The following EXT1 variants were observed in gnomAD, a reference collection of about 807,000 sequenced individuals.
EXT1 encodes exostosin-1.
EXT1 carries 20 observed loss-of-function variants against 82.5 expected under a neutral mutation model. The observed-to-expected ratio is 0.24, with a 90% CI of 0.17 to 0.35. The LOEUF is 0.35. EXT1 is among the 10% of genes least tolerant of loss of function. EXT1 has a pLI of 1.00. For missense variants in EXT1, 757 were observed against 936.5 expected, an observed-to-expected ratio of 0.81 and a Z score of 2.50; for synonymous variants, 348 against 350.8, an observed-to-expected ratio of 0.99 and a Z score of 0.09.
At chr8:117,940,942 T>C (rs1163536594) in intron 1 of EXT1, among the ~76,000 whole-genome samples, 2 of 152,268 alleles carry the variant, frequency 1.3e-5, no homozygotes, top group Non-Finnish European at 2.9e-5. Flanking sequence ...CTGACTGATA[T>C]GGGGGTCTCC....
chr8:117,937,056 C>T (rs1006680077), intron 1 of EXT1, among the ~76,000 whole-genome samples: 15 of 152,118 alleles, frequency 9.9e-5, no homozygotes, highest in African/African-American at 3.4e-4. Context: ...TACATCCCTT[C>T]GCTCCCTCCA....
At chr8:118,038,736 A>G (rs1802799648) in intron 1 of EXT1, among the ~76,000 whole-genome samples, 1 of 152,214 alleles carries the variant, frequency 6.6e-6, no homozygotes, top group Admixed American at 6.5e-5. Flanking sequence ...CTCTGAAGTA[A>G]TACTGTCTCA....
chr8:117,845,367 C>T (rs182054992), intron 1 of EXT1, among the ~76,000 whole-genome samples: 5 of 152,240 alleles, frequency 3.3e-5, no homozygotes, highest in Admixed American at 6.5e-5. Flanking sequence ...ACTCCACCCC[C>T]CATCCTTAGG....
chr8:118,022,308 G>A (rs973086969), intron 1 of EXT1, among the ~76,000 whole-genome samples: 1 of 147,684 alleles, frequency 6.8e-6, no homozygotes, highest in African/African-American at 2.5e-5. Context: ...GATATACTTG[G>A]CCGGGCGCAT....
At chr8:118,015,935 T>G (rs1266059099) in intron 1 of EXT1, among the ~76,000 whole-genome samples, 1 of 152,180 alleles carries the variant, frequency 6.6e-6, no homozygotes, top group Non-Finnish European at 1.5e-5. Flanking sequence ...CAGCAGGGAC[T>G]GGAGTTAGGC....
In EXT1 at chr8:118,002,022, C is replaced by A. The variant is rs552830682; in HGVS notation, c.962+108063G>T. Reference sequence around the variant, plus strand: ...CAATGAATTCAAAAACTATTGAGACCCTTGTTGAAAGACTTTTTTAGACAA... The same window carrying A: ...CAATGAATTCAAAAACTATTGAGACACTTGTTGAAAGACTTTTTTAGACAA... On this transcript the variant is annotated intron_variant, in intron 1 of 10. Coordinates refer to ENST00000378204, the MANE Select transcript of EXT1 (RefSeq NM_000127.3). 1.9e-3 allele frequency among the ~76,000 whole-genome samples: 289 copies of A among 152,076 alleles called. 1 individual carries two copies. Among genetic ancestry groups the A allele is most frequent in the African/African-American group, 6.7e-3 (279 of 41,478 alleles).
intron 1 of EXT1, among the ~76,000 whole-genome samples, chr8:117,899,151 A>G (rs1010942489): frequency 3.3e-4 from 50 of 152,258 alleles, no homozygotes; most frequent in Admixed American, 9.2e-4. Context: ...GGTCTTCAGA[A>G]TAAGCACTTA....
intron 1 of EXT1, among the ~76,000 whole-genome samples, chr8:117,893,291 A>C (rs1304031727): frequency 6.6e-6 from 1 of 152,226 alleles, no homozygotes; most frequent in Admixed American, 6.5e-5. Flanking sequence ...AATCAAGTAA[A>C]AGAAAAACAT....
chr8:117,916,437 C>T (rs981662466), intron 1 of EXT1, among the ~76,000 whole-genome samples: 1 of 152,200 alleles, frequency 6.6e-6, no homozygotes, highest in Non-Finnish European at 1.5e-5. Flanking sequence ...GCAAGACCTC[C>T]TCTTTCTTCA....
chr8:117,867,924 C>A (rs1358407440), intron 1 of EXT1, among the ~76,000 whole-genome samples: 1 of 152,156 alleles, frequency 6.6e-6, no homozygotes, highest in Non-Finnish European at 1.5e-5. Flanking sequence ...AATAGAGAAG[C>A]CCTGAGAAAC....
chr8:117,826,205 C>T (rs983970777), intron 4 of EXT1, among the ~76,000 whole-genome samples: 3 of 152,170 alleles, frequency 2.0e-5, no homozygotes, highest in Non-Finnish European at 4.4e-5. Flanking sequence ...GAGTTCTGTA[C>T]AATGAAACGT....
At chr8:118,088,629 G>GA (rs1354093776) in intron 1 of EXT1, among the ~76,000 whole-genome samples, 2 of 150,818 alleles carry the variant, frequency 1.3e-5, no homozygotes, top group Non-Finnish European at 1.5e-5. Flanking sequence ...ATCAGAAAGT[G>GA]AAAATTCAAC....
intron 1 of EXT1, 61 bp from the exon 2 acceptor site, chr8:117,837,262 C>T (rs1186490650): frequency 7.2e-7 from 1 of 1,381,596 alleles, no homozygotes; most frequent in East Asian, 2.3e-5. Flanking sequence ...GGGATATTGA[C>T]CATAGGTGGG....
chr8:118,110,599 G>T lies in EXT1; in HGVS notation c.448C>A (p.Gln150Lys), dbSNP rs922587596. The T allele has an allele frequency of 6.2e-7, 1 of 1,614,244 alleles. No individual in the cohort carries two copies. Residue 150 changes from glutamine (Q) to lysine (K), a missense_variant, in exon 1 of 11, where the codon CAG becomes AAG. By Grantham distance (53) the Gln-to-Lys change is moderately conservative. Coordinates refer to ENST00000378204, the MANE Select transcript of EXT1 (RefSeq NM_000127.3). ...AGACTCAGGACAAAGAGGCACGCCT[G>T]GCTGGGGTCCGAGGTGTAGAACCTG... ...GSRFYTSDPS[Q>K]ACLFVLSLDT...
intron 1 of EXT1, among the ~76,000 whole-genome samples, chr8:117,994,144 C>T (rs1451776964): frequency 6.6e-6 from 1 of 152,198 alleles, no homozygotes; most frequent in Non-Finnish European, 1.5e-5. Context: ...AACAGCTCCC[C>T]ATTTGCCCAA....
chr8:117,796,717 T>A lies in EXT1; in HGVS notation c.*2995A>T, dbSNP rs906462329. On this transcript the variant is annotated 3_prime_UTR_variant, in exon 11 of 11. Coordinates refer to ENST00000378204, the MANE Select transcript of EXT1 (RefSeq NM_000127.3). ...ATACGACCAGGTAGGCCCACCTAGCTATGCTATCTTTTGTGGTATGACTAT... is the reference window on the plus strand; with the variant it reads ...ATACGACCAGGTAGGCCCACCTAGCAATGCTATCTTTTGTGGTATGACTAT... 2 of 152,190 alleles carry A rather than the reference T, an allele frequency of 1.3e-5. No homozygotes were observed. The highest frequency in any genetic ancestry group is 4.8e-5 in the African/African-American group (2 of 41,450). 9.4% of individuals were successfully genotyped at this position (152,190 alleles called of 1,614,324 possible). A position where few individuals can be genotyped will look rare whatever the true frequency, so the allele number is the denominator to read the frequency against.
chr8:117,892,363 A>G (rs1348842757), intron 1 of EXT1, among the ~76,000 whole-genome samples: 2 of 152,256 alleles, frequency 1.3e-5, no homozygotes, highest in African/African-American at 4.8e-5. Flanking sequence ...CTTGCCAGCA[A>G]AAGCCAGCTT....
At chr8:118,057,744 C>T (rs1271252534) in intron 1 of EXT1, among the ~76,000 whole-genome samples, 6 of 151,552 alleles carry the variant, frequency 4.0e-5, no homozygotes, top group Non-Finnish European at 8.8e-5. Flanking sequence ...GAGGCCGAGG[C>T]GGGAGGATCA....
At chr8:118,109,632 A>G (rs1021244217) in intron 1 of EXT1, among the ~76,000 whole-genome samples, 19 of 152,134 alleles carry the variant, frequency 1.2e-4, no homozygotes, top group African/African-American at 4.6e-4. Flanking sequence ...CTGGGAAAGT[A>G]GGTACCCCCG....
Sources: allele counts gnomAD v4.1 joint callset (sites outside exome capture counted in the v4.1 genomes callset), GRCh38; gene constraint gnomAD v4.1.1; transcripts MANE v1.5; gene names NCBI Gene and HGNC (gene_info 2026-07-23, HGNC 2026-07-21).